CNTNAP4: variants seen among roughly 807,000 people sequenced by gnomAD.
CNTNAP4 encodes contactin associated protein family member 4.
A neutral mutation model predicts 148.4 loss-of-function variants in CNTNAP4; 98 were observed. That is an observed-to-expected ratio of 0.66 (90% CI 0.56 to 0.78). The LOEUF (loss-of-function observed/expected upper bound fraction) is 0.78. Among genes scored for constraint, CNTNAP4 ranks in the 30% least tolerant of loss-of-function variants. The pLI is 0.00. For missense variants in CNTNAP4, 1,935 were observed against 1,565.6 expected, an observed-to-expected ratio of 1.24 and a Z score of -3.98; for synonymous variants, 730 against 565.1, an observed-to-expected ratio of 1.29 and a Z score of -4.14.
At chr16:76,305,577 G>T (rs1231216269) in intron 1 of CNTNAP4, among the ~76,000 whole-genome samples, 1 of 152,126 alleles carries the variant, frequency 6.6e-6, no homozygotes, top group Non-Finnish European at 1.5e-5. Flanking sequence ...ACTGAGAACT[G>T]GGGCCGACCT....
At chr16:76,286,933 A>G (rs943308075) in intron 1 of CNTNAP4, among the ~76,000 whole-genome samples, 2 of 152,196 alleles carry the variant, frequency 1.3e-5, no homozygotes, top group African/African-American at 2.4e-5. Flanking sequence ...AGGGAATTCT[A>G]TGCAAGGTTG....
intron 3 of CNTNAP4, among the ~76,000 whole-genome samples, chr16:76,405,457 G>A (rs1373213164): frequency 6.6e-6 from 1 of 152,146 alleles, no homozygotes; most frequent in Non-Finnish European, 1.5e-5. Flanking sequence ...CCCCAAAAAG[G>A]TAACTGCTAA....
intron 15 of CNTNAP4, among the ~76,000 whole-genome samples, chr16:76,499,650 C>G (rs543194884): frequency 7.3e-5 from 11 of 150,254 alleles, no homozygotes; most frequent in African/African-American, 2.4e-4. Context: ...GAGGGAAGGT[C>G]AGCAGATAAA....
rs145844553 is a variant in CNTNAP4, at chr16:76,427,528, G to A, written c.467G>A (p.Arg156His). ...LQPSIKARFL[R>H]FIPLEWNPKG... is the part of the protein sequence containing the mutation. ...CCTTCTATCAAAGCCAGATTTCTGC[G>A]CTTCATCCCTTTGGAATGGAACCCC... is the stretch of plus-strand genomic sequence containing the variant. The change falls in exon 4 of 24, where the codon CGC (arginine) becomes CAC (histidine). Residue 156 changes from arginine to histidine, a missense_variant. Arg to His is a conservative substitution (Grantham distance 29). Transcript: ENST00000611870. 2.0e-5 allele frequency: 32 copies of A among 1,613,006 alleles called. No homozygotes were observed. Among genetic ancestry groups the A allele is most frequent in the Admixed American group, 1.5e-4 (9 of 59,922 alleles).
At chr16:76,522,460 A>G (rs2083493576) in intron 17 of CNTNAP4, among the ~76,000 whole-genome samples, 1 of 152,114 alleles carries the variant, frequency 6.6e-6, no homozygotes, top group African/African-American at 2.4e-5. Flanking sequence ...TATTTTACAG[A>G]TGAGATAGCT....
intron 15 of CNTNAP4, among the ~76,000 whole-genome samples, chr16:76,520,844 T>A (rs913554315): frequency 6.6e-6 from 1 of 152,172 alleles, no homozygotes; most frequent in Admixed American, 6.5e-5. Flanking sequence ...GTGGAGGATA[T>A]ACTATTGAGG....
intron 3 of CNTNAP4, among the ~76,000 whole-genome samples, chr16:76,403,370 G>C (rs893529485): frequency 1.3e-5 from 2 of 152,126 alleles, no homozygotes; most frequent in Admixed American, 1.3e-4. Flanking sequence ...TGGGATTACA[G>C]GCTTGAGCCA....
intron 3 of CNTNAP4, among the ~76,000 whole-genome samples, chr16:76,406,097 G>A (rs756232530): frequency 9.2e-5 from 14 of 152,008 alleles, no homozygotes; most frequent in Non-Finnish European, 1.6e-4. Context: ...GGTGGCTTAC[G>A]CCTGTAGTCC....
At chr16:76,433,834 A>G (rs1432087825) in intron 4 of CNTNAP4, among the ~76,000 whole-genome samples, 1 of 152,166 alleles carries the variant, frequency 6.6e-6, no homozygotes, top group African/African-American at 2.4e-5. Context: ...CACTCAGATT[A>G]TCTATCAGCT....
intron 3 of CNTNAP4, among the ~76,000 whole-genome samples, chr16:76,381,531 C>T (rs1268283803): frequency 6.6e-6 from 1 of 152,152 alleles, no homozygotes; most frequent in Non-Finnish European, 1.5e-5. Context: ...GCTTCTACTT[C>T]CTTCAGGTGA....
At chr16:76,450,936 G>T (rs2080443976) in intron 7 of CNTNAP4, among the ~76,000 whole-genome samples, 1 of 152,190 alleles carries the variant, frequency 6.6e-6, no homozygotes, top group African/African-American at 2.4e-5. Context: ...CATTAATTCT[G>T]CCCAAAGCAG....
chr16:76,452,694 C>G lies in CNTNAP4; in HGVS notation c.1258C>G (p.Leu420Val). ...SELQLISGGILLFLSDGKLKS... is the reference protein window; with the variant it reads ...SELQLISGGIVLFLSDGKLKS... ...ACTTCAGCTGATTTCAGGGGGTATC[C>G]TCCTCTTTCTGAGTGATGGAAAACT... Residue 420 changes from leucine (L) to valine (V), a missense_variant, in exon 8 of 24, where the codon CTC becomes GTC. Leu to Val is a conservative substitution (Grantham distance 32). Transcript: ENST00000611870. 1 of 1,613,242 alleles carries G rather than the reference C, an allele frequency of 6.2e-7. No individual in the cohort carries two copies. The highest frequency in any genetic ancestry group is 8.5e-7 in the Non-Finnish European group (1 of 1,179,558).
At chr16:76,364,578 C>G (rs2013875971) in intron 3 of CNTNAP4, among the ~76,000 whole-genome samples, 1 of 152,124 alleles carries the variant, frequency 6.6e-6, no homozygotes, top group South Asian at 2.1e-4. Flanking sequence ...CTTACCACGG[C>G]TGCGATACTG....
chr16:76,461,973 G>T lies in CNTNAP4; in HGVS notation c.1351G>T (p.Gly451Trp). 6.2e-7 allele frequency: 1 copy of T among 1,613,676 alleles called. No individual in the cohort carries two copies. The highest frequency in any genetic ancestry group is 1.1e-5 in the South Asian group (1 of 91,038). The change falls in exon 9 of 24, where the codon GGG (glycine) becomes TGG (tryptophan). Residue 451 changes from glycine to tryptophan, a missense_variant. Transcript: ENST00000611870. Reference protein sequence around the residue: ...DITAGVELNDGQWHSVSLSAK... With the variant: ...DITAGVELNDWQWHSVSLSAK... ...CTCCCTAGGTGTCGAATTAAATGAT[G>T]GGCAGTGGCATTCTGTCTCTTTATC...
At chr16:76,369,374 T>C (rs9923704) in intron 3 of CNTNAP4, among the ~76,000 whole-genome samples, 7,667 of 152,218 alleles carry the variant, frequency 0.05, 621 homozygotes, top group African/African-American at 0.17. Context: ...TGGAACCAAG[T>C]ATATACATGA....
intron 2 of CNTNAP4, among the ~76,000 whole-genome samples, chr16:76,339,036 T>C (rs2144328600): frequency 6.6e-6 from 1 of 152,280 alleles, no homozygotes; most frequent in South Asian, 2.1e-4. Context: ...GTGATTAGAA[T>C]GATATTAATA....
intron 10 of CNTNAP4, among the ~76,000 whole-genome samples, chr16:76,472,978 A>C (rs981135380): frequency 6.6e-6 from 1 of 152,116 alleles, no homozygotes; most frequent in Admixed American, 6.5e-5. Flanking sequence ...AAATAAAAAG[A>C]CATAAGTATA....
At chr16:76,440,930 G>A (rs2080014109) in intron 4 of CNTNAP4, among the ~76,000 whole-genome samples, 1 of 152,100 alleles carries the variant, frequency 6.6e-6, no homozygotes, top group African/African-American at 2.4e-5. Flanking sequence ...ATGCAGGGGT[G>A]GGGAGAAGAT....
chr16:76,508,866 C>T lies in CNTNAP4; in HGVS notation c.2365+10172C>T, dbSNP rs566231352. ...CTCCTGGGTTCACGCCATTCTCCTG[C>T]CTCAGCCTCCCGAGTAGCTGGGACT... On this transcript the variant is annotated intron_variant, in intron 15 of 23. Transcript: ENST00000611870. 1.4e-3 allele frequency among the ~76,000 whole-genome samples: 131 copies of T among 92,154 alleles called. 48 individuals carry two copies. Among genetic ancestry groups the T allele is most frequent in the Non-Finnish European group, 3.4e-3 (111 of 32,588 alleles). The allele number at this position is 92,154 out of a possible 152,430, so 60.5% of individuals were successfully genotyped here. A position where few individuals can be genotyped will look rare whatever the true frequency, so the allele number is the denominator to read the frequency against.
Sources: allele counts gnomAD v4.1 joint callset (sites outside exome capture counted in the v4.1 genomes callset), GRCh38; gene constraint gnomAD v4.1.1; transcripts MANE v1.5; gene names NCBI Gene and HGNC (gene_info 2026-07-23, HGNC 2026-07-21).